The following C6orf89 variants were observed in gnomAD, a reference collection of about 807,000 sequenced individuals.
The protein encoded by C6orf89 is bombesin receptor-activated protein C6orf89.
Under a neutral mutation model 40.7 loss-of-function variants are expected in C6orf89, and 29 were observed. The observed-to-expected ratio is 0.71, with a 90% confidence interval of 0.53 to 0.97. The LOEUF (loss-of-function observed/expected upper bound fraction) is 0.97. Among genes scored for constraint, C6orf89 ranks in the 50% least tolerant of loss-of-function variants. The probability of loss-of-function intolerance (pLI) is 0.00; values close to 1 mark genes in which losing one functional copy is unlikely to be tolerated. For synonymous variants in C6orf89, 165 were observed against 152.2 expected (o/e 1.08, Z -0.62); for missense variants, 392 against 429.1 (o/e 0.91, Z 0.76).
At chr6:36,921,993 A>C (rs1198259083) in intron 8 of C6orf89, among the ~76,000 whole-genome samples, 1 of 152,106 alleles carries the variant, frequency 6.6e-6, no homozygotes, top group Non-Finnish European at 1.5e-5. Flanking sequence ...GCACCGCTGC[A>C]CTCCAGCCTG....
chr6:36,887,119 G>GTT lies in C6orf89; in HGVS notation c.-120+1103_-120+1104dup, dbSNP rs543966667. Among the ~76,000 whole-genome samples, 98 of 142,250 alleles carry GTT rather than the reference G, an allele frequency of 6.9e-4. 1 individual carries two copies. Among genetic ancestry groups the GTT allele is most frequent in the African/African-American group, 1.5e-3 (57 of 38,938 alleles). The allele number at this position is 142,250 out of a possible 152,430, so 93.3% of individuals were successfully genotyped here. ...ATTGTTGCTACCTCTGCGTTTTTTT[G>GTT]TTTTTTTTTTTTTGAGACGGAGTCT... On this transcript the variant is annotated intron_variant, in intron 1 of 8. Coordinates refer to ENST00000480824, the MANE Select transcript of C6orf89 (RefSeq NM_001286635.2).
intron 1 of C6orf89, among the ~76,000 whole-genome samples, chr6:36,890,680 T>C (rs1761171961): frequency 6.6e-6 from 1 of 152,094 alleles, no homozygotes; most frequent in South Asian, 2.1e-4. Context: ...ATTATAGGCA[T>C]GCGTCACCAT....
chr6:36,911,419 G>A (rs899889516), intron 4 of C6orf89, among the ~76,000 whole-genome samples: 4 of 152,032 alleles, frequency 2.6e-5, no homozygotes, highest in Non-Finnish European at 5.9e-5. Flanking sequence ...GACCCCAGGA[G>A]GCGGAGGTTG....
In C6orf89 at chr6:36,919,571, C is replaced by A. The variant is rs1250483544; in HGVS notation, c.826-7C>A. 1.2e-6 allele frequency: 2 copies of A among 1,609,830 alleles called. No homozygotes were observed. The highest frequency in any genetic ancestry group is 3.4e-5 in the Admixed American group (2 of 59,398). ...CCTTTTCCTCCCCTCCTCATTCTTT[C>A]CTCCAGATGCATAAGATGCCTGACC... On this transcript the variant is annotated splice_region_variant and splice_polypyrimidine_tract_variant and intron_variant, in intron 7 of 8. Coordinates refer to ENST00000480824, the MANE Select transcript of C6orf89 (RefSeq NM_001286635.2).
In C6orf89 at chr6:36,914,269, C is replaced by G. The variant is rs772638104; in HGVS notation, c.404-15C>G. 2.5e-4 allele frequency: 398 copies of G among 1,609,280 alleles called. 2 individuals are homozygous for G. The highest frequency in any genetic ancestry group is 2.5e-5 in the Non-Finnish European group (29 of 1,177,436). On this transcript the variant is annotated splice_polypyrimidine_tract_variant and intron_variant, in intron 4 of 8. Transcript: ENST00000480824. ...CTTTCAGTATCTGTTTTCTCCATAT[C>G]CCTTCCTCTCTCAGACTTTGACCCC...
intron 1 of C6orf89, among the ~76,000 whole-genome samples, chr6:36,886,732 A>T (rs1376769759): frequency 6.6e-6 from 1 of 152,216 alleles, no homozygotes; most frequent in Non-Finnish European, 1.5e-5. Context: ...GATACTTAGT[A>T]TTCTGACTTT....
chr6:36,919,751 AC>A (rs747137257), intron 8 of C6orf89, 50 bp downstream of exon 8: 1 of 1,515,252 alleles, frequency 6.6e-7, no homozygotes, highest in Non-Finnish European at 8.9e-7. Flanking sequence ...TTAGTTTTTA[AC>A]TCAAAAGCTA....
intron 8 of C6orf89, 101 bp from the exon 9 acceptor site, chr6:36,923,246 G>A (rs896067662): frequency 5.4e-6 from 4 of 737,646 alleles, no homozygotes; most frequent in African/African-American, 5.3e-5. Context: ...ACTCTGCAGT[G>A]CACCCTGAGG....
chr6:36,879,146 C>G (rs963699622), intron 2 of C6orf89: 1 of 152,500 alleles, frequency 6.6e-6, no homozygotes, highest in Non-Finnish European at 1.5e-5. Context: ...AGCTCCCTCT[C>G]GGATCTCTCT....
rs560832409 is a variant in C6orf89, at chr6:36,907,835, A to G, written c.403+5401A>G. On this transcript the variant is annotated intron_variant, in intron 4 of 8. Coordinates refer to ENST00000480824, the MANE Select transcript of C6orf89 (RefSeq NM_001286635.2). ...GCTGGAAAGAAGTGAGATGCAGCAT[A>G]TTAGGTAGTCAAAAGCCGTAAACTA... Among the ~76,000 whole-genome samples the G allele has an allele frequency of 2.0e-5, 3 of 152,330 alleles. No homozygotes were observed. In the East Asian group the frequency reaches 5.8e-4, roughly 29 times the overall value.
At chr6:36,911,640 C>T (rs1338144149) in intron 4 of C6orf89, among the ~76,000 whole-genome samples, 1 of 152,120 alleles carries the variant, frequency 6.6e-6, no homozygotes, top group African/African-American at 2.4e-5. Context: ...TTACTCTCAT[C>T]TCCTGGGAAG....
chr6:36,914,341 C>T lies in C6orf89; in HGVS notation c.461C>T (p.Ala154Val). ...CEQNESEPIPANCTGCAQKHL... is the reference protein window; with the variant it reads ...CEQNESEPIPVNCTGCAQKHL... ...CAGAATGAGTCAGAGCCCATTCCTG[C>T]CAACTGCACTGGCTGTGCCCAGAAA... The change falls in exon 5 of 9, where the codon GCC becomes GTC. Residue 154 changes from alanine (A) to valine (V), a missense_variant. Transcript: ENST00000480824. 3 of 1,614,188 alleles carry T rather than the reference C, an allele frequency of 1.9e-6. No individual in the cohort carries two copies. The highest frequency in any genetic ancestry group is 2.5e-6 in the Non-Finnish European group (3 of 1,180,038).
At chr6:36,884,609 A>G (rs535001888), upstream of C6orf89, among the ~76,000 whole-genome samples, 2 of 152,382 alleles carry the variant, frequency 1.3e-5, 1 homozygote, top group Admixed American at 1.3e-4. The surrounding 1 kb of genome is among the most constrained non-coding windows in gnomAD (Gnocchi z 4.0). Flanking sequence ...TGCTGAGACC[A>G]GAAACCCAAA....
rs75923193 is a variant in C6orf89 at position 36,908,663 on chromosome 6, T to C, written c.404-5621T>C. On this transcript the variant is annotated intron_variant, in intron 4 of 8. Transcript: ENST00000480824. ...TACATATTTTTGGCTAGACACATTG[T>C]ATTAGTTTCTAAGGCTGCTGAAACA... is the stretch of plus-strand genomic sequence containing the variant. Among the ~76,000 whole-genome samples the C allele has an allele frequency of 6.0e-4, 92 of 152,340 alleles. 3 individuals are homozygous for C. The East Asian group carries it at 0.016, about 26-fold the overall frequency.
At chr6:36,882,285 C>G (rs1222980381), upstream of C6orf89, among the ~76,000 whole-genome samples, 1 of 152,214 alleles carries the variant, frequency 6.6e-6, no homozygotes, top group Non-Finnish European at 1.5e-5. Context: ...CTTTCAAAAT[C>G]AAGCTCTAGA....
chr6:36,914,616 A>G lies in C6orf89; in HGVS notation c.618A>G (p.Thr206=). Residue 206 remains threonine (T), a synonymous_variant, in exon 6 of 9, where the codon ACA becomes ACG. Transcript: ENST00000480824. ...QHFLCQYPEA[T]EGFSEGFFAK... is the part of the protein sequence containing the mutation. ...TTTTGTGCCAGTACCCTGAGGCGACAGAAGGCTTCTCTGAAGGGTTTTTCG... is the reference window on the plus strand; with the variant it reads ...TTTTGTGCCAGTACCCTGAGGCGACGGAAGGCTTCTCTGAAGGGTTTTTCG... 1 of 1,614,274 alleles carries G rather than the reference A, an allele frequency of 6.2e-7. No individual in the cohort carries two copies. The highest frequency in any genetic ancestry group is 8.5e-7 in the Non-Finnish European group (1 of 1,180,044).
At chr6:36,894,682 G>T in intron 2 of C6orf89, 79 bp downstream of exon 2, 1 of 326,720 alleles carries the variant, frequency 3.1e-6, no homozygotes, top group Non-Finnish European at 4.4e-6. Context: ...ACCTTTCTGA[G>T]CCTTGAACAT....
At chr6:36,908,830 T>C (rs1762019115) in intron 4 of C6orf89, among the ~76,000 whole-genome samples, 1 of 152,138 alleles carries the variant, frequency 6.6e-6, no homozygotes, top group Non-Finnish European at 1.5e-5. Context: ...CCTCTTCCAG[T>C]TTCTGGTGGT....
chr6:36,890,092 T>TA (rs1761136911), intron 1 of C6orf89, among the ~76,000 whole-genome samples: 1 of 152,230 alleles, frequency 6.6e-6, no homozygotes, highest in African/African-American at 2.4e-5. Flanking sequence ...GCCATCAACC[T>TA]ATCCATCACC....
Sources: gnomAD v4.1 joint callset for allele counts (sites outside exome capture counted in the v4.1 genomes callset) on GRCh38, gnomAD v4.1.1 for gene constraint, Gnocchi (gnomAD v3.1) non-coding constraint, MANE v1.5 for transcripts, NCBI Gene and HGNC (gene_info 2026-07-23, HGNC 2026-07-21) for gene names.